USB1: variants seen among roughly 807,000 people sequenced by gnomAD.
USB1 encodes the protein U6 snRNA biogenesis phosphodiesterase 1.
In USB1, 21 loss-of-function variants were observed where a neutral mutation model predicts 29.9. The observed-to-expected ratio is 0.70, with a 90% CI of 0.50 to 1.01. USB1 has a LOEUF of 1.01. Ranked by LOEUF, USB1 falls within the 50% of genes least tolerant of loss-of-function variation. USB1 has a pLI of 0.00. For synonymous variants in USB1, 143 were observed against 134.9 expected (o/e 1.06, Z -0.42); for missense variants, 330 against 347.1 (o/e 0.95, Z 0.39).
rs555287387 is a variant in USB1 at position 58,018,901 on chromosome 16, ACAGAC to A, written c.610-69_610-65del. Reference sequence around the variant, plus strand: ...GCAGGGATGTCACGACAGCTCTGTCACAGACCTGCTGTGAGGGCAGGGCCTGCCAA... The same window carrying A: ...GCAGGGATGTCACGACAGCTCTGTCACTGCTGTGAGGGCAGGGCCTGCCAA... On this transcript the variant is annotated intron_variant, in intron 5 of 6. Transcript: ENST00000219281. 3.7e-5 allele frequency: 55 copies of A among 1,491,462 alleles called. No individual in the cohort carries two copies. In the African/African-American group the frequency reaches 7.5e-4, roughly 20 times the overall value. 92.4% of individuals were successfully genotyped at this position (1,491,462 alleles called of 1,614,324 possible).
rs200924980 is a variant in USB1 at position 58,014,347 on chromosome 16, A to G, written c.503+21A>G. The G allele has an allele frequency of 1.6e-3, 2,504 of 1,603,134 alleles. 28 individuals carry two copies. In the South Asian group the frequency reaches 0.018, roughly 11 times the overall value. On this transcript the variant is annotated intron_variant, in intron 4 of 6. Coordinates refer to ENST00000219281, the MANE Select transcript of USB1 (RefSeq NM_024598.4). Reference sequence around the variant, plus strand: ...ACCAGGTGGGTCCTCCCAACCCCCAATCACCATCAGAGGAAGATTCTTTGG... The same window carrying G: ...ACCAGGTGGGTCCTCCCAACCCCCAGTCACCATCAGAGGAAGATTCTTTGG...
intron 6 of USB1, 146 bp from the exon 7 acceptor site, chr16:58,019,995 A>G: frequency 1.3e-6 from 1 of 744,170 alleles, no homozygotes; most frequent in South Asian, 1.5e-5. Context: ...AGAAGTGATC[A>G]GACAAGATCA....
intron 2 of USB1, among the ~76,000 whole-genome samples, chr16:58,003,721 ATAT>A (rs1292192460): frequency 6.6e-6 from 1 of 152,134 alleles, no homozygotes; most frequent in Non-Finnish European, 1.5e-5. Context: ...TTGTTTATTA[ATAT>A]TAATCATTTT....
chr16:58,000,484 CGCGG>C (rs1963148909), upstream of USB1: 1 of 150,030 alleles, frequency 6.7e-6, no homozygotes, highest in Non-Finnish European at 1.5e-5. The surrounding 1 kb of genome is among the most constrained non-coding windows in gnomAD (Gnocchi z 4.5). Context: ...CGGCTCCATC[CGCGG>C]CGGCGCGGCC....
Position 58,001,462 on chromosome 16 carries a change from TG to T in USB1, c.-20del. The T allele has an allele frequency of 6.3e-7, 1 of 1,584,954 alleles. No homozygotes were observed. Among genetic ancestry groups the T allele is most frequent in the Middle Eastern group, 1.7e-4 (1 of 5,942 alleles). ...GTTGAGGTTGCTGGTGGACCTGCTC[TG>T]GTGGTCTTGGATGAGGCCCCATGAG... On this transcript the variant is annotated 5_prime_UTR_variant, in exon 1 of 7. Coordinates refer to ENST00000219281, the MANE Select transcript of USB1 (RefSeq NM_024598.4).
intron 3 of USB1, chr16:58,012,349 C>T: frequency 6.5e-7 from 1 of 1,532,630 alleles, no homozygotes; most frequent in Non-Finnish European, 8.7e-7. Context: ...AGAAGCCCAA[C>T]CCAAAGTGGC....
intron 3 of USB1, chr16:58,012,546 C>CA: frequency 7.3e-7 from 1 of 1,362,234 alleles, no homozygotes; most frequent in Non-Finnish European, 9.7e-7. Flanking sequence ...CCGCATCTCC[C>CA]GGCTAATGGT....
upstream of USB1, chr16:58,001,250 C>T (rs1963175882): frequency 3.3e-6 from 2 of 610,986 alleles, no homozygotes; most frequent in South Asian, 3.8e-5. Context: ...GAGGTCCCAG[C>T]GGGGTGCCGG....
chr16:58,002,431 G>C, intron 1 of USB1, 48 bp from the exon 2 acceptor site: 1 of 1,610,356 alleles, frequency 6.2e-7, no homozygotes, highest in Non-Finnish European at 8.5e-7. Context: ...CAAAGGTAGA[G>C]AATGCTAACA....
intron 4 of USB1, 82 bp downstream of exon 4, chr16:58,014,408 G>T: frequency 6.2e-6 from 8 of 1,290,224 alleles, no homozygotes; most frequent in Non-Finnish European, 7.9e-6. Flanking sequence ...GGACTTGTTT[G>T]TCCCATTTTT....
intron 2 of USB1, among the ~76,000 whole-genome samples, chr16:58,006,625 C>T (rs1009948080): frequency 6.6e-6 from 1 of 152,124 alleles, no homozygotes; most frequent in Non-Finnish European, 1.5e-5. Context: ...CACCACTGCA[C>T]TCCAGCCTGG....
At chr16:58,000,888 G>A (rs980528340), upstream of USB1, among the ~76,000 whole-genome samples, 3 of 152,210 alleles carry the variant, frequency 2.0e-5, no homozygotes, top group Admixed American at 6.5e-5. The surrounding 1 kb of genome is among the most constrained non-coding windows in gnomAD (Gnocchi z 4.5). Context: ...AGGGCGCTCT[G>A]CTTCCGGCCA....
At chr16:58,010,869 C>T in intron 3 of USB1, 2 of 631,706 alleles carry the variant, frequency 3.2e-6, no homozygotes, top group Non-Finnish European at 5.7e-6. Context: ...CTCCTCAAAC[C>T]CTGTAGTTCC....
At chr16:58,001,749 C>A (rs929160181) in intron 1 of USB1, among the ~76,000 whole-genome samples, 168 bp downstream of exon 1, 1 of 151,296 alleles carries the variant, frequency 6.6e-6, no homozygotes, top group Non-Finnish European at 1.5e-5. Flanking sequence ...CTCCCCCCCA[C>A]CCCAGACAAA....
intron 3 of USB1, chr16:58,012,435 C>T (rs745720455): frequency 2.7e-5 from 34 of 1,252,048 alleles, no homozygotes; most frequent in South Asian, 3.8e-5. Context: ...ATGAGTGGAC[C>T]GGGGTGACAA....
chr16:58,017,139 G>A, intron 4 of USB1, 195 bp from the exon 5 acceptor site: 1 of 621,790 alleles, frequency 1.6e-6, no homozygotes, highest in Non-Finnish European at 2.9e-6. Context: ...TGAGAACTGG[G>A]AAAGGAAGAT....
intron 2 of USB1, 45 bp downstream of exon 2, chr16:58,002,690 TAGGTGCC>T (rs764551651): frequency 4.9e-5 from 79 of 1,612,120 alleles, no homozygotes; most frequent in Non-Finnish European, 1.4e-5. Flanking sequence ...CATAGACCCG[TAGGTGCC>T]TCATGAAGGG....
rs11551264 is a variant in USB1 at position 58,021,563 on chromosome 16, C to G, written c.*1318C>G. The G allele has an allele frequency of 6.6e-6, 1 of 152,234 alleles. No homozygotes were observed. Among genetic ancestry groups the G allele is most frequent in the Non-Finnish European group, 1.5e-5 (1 of 68,036 alleles). The allele number at this position is 152,234 out of a possible 1,614,324, so 9.4% of individuals were successfully genotyped here. On this transcript the variant is annotated 3_prime_UTR_variant, in exon 7 of 7. Transcript: ENST00000219281. The stretch of plus-strand genomic sequence containing the variant: ...GATTTCTGGTGATGGACAGAGAAAT[C>G]TTTTTACAGTTTCAAATTATGTTCA...
intron 3 of USB1, chr16:58,012,485 C>G (rs1282680858): frequency 8.5e-7 from 1 of 1,175,826 alleles, no homozygotes; most frequent in African/African-American, 1.5e-5. Context: ...CACAGGCAGA[C>G]TGTTCACCAT....
Sources: allele counts gnomAD v4.1 joint callset (sites outside exome capture counted in the v4.1 genomes callset), GRCh38; gene constraint gnomAD v4.1.1; non-coding constraint Gnocchi (gnomAD v3.1); transcripts MANE v1.5; gene names NCBI Gene and HGNC (gene_info 2026-07-23, HGNC 2026-07-21).